GARS1: variants seen among roughly 807,000 people sequenced by gnomAD.
GARS1 encodes the protein glycine--tRNA ligase.
In GARS1, 46 loss-of-function variants were observed where a neutral mutation model predicts 86.4. The ratio of observed to expected loss-of-function variants is 0.53; its 90% CI spans 0.42 to 0.68. GARS1 has a LOEUF of 0.68. GARS1 is among the 30% of genes least tolerant of loss of function. The pLI is 0.00. For missense variants in GARS1, 797 were observed against 915.6 expected (o/e 0.87, Z 1.67); for synonymous variants, 342 against 329.8 (o/e 1.04, Z -0.40).
intron 12 of GARS1, among the ~76,000 whole-genome samples, chr7:30,625,623 A>T (rs1783114121): frequency 1.3e-5 from 2 of 152,238 alleles, no homozygotes; most frequent in Admixed American, 1.3e-4. Context: ...GAATTCTTAT[A>T]ACCTGAAACT....
Position 30,607,108 on chromosome 7 carries a change from C to T in GARS1, c.736-2477C>T, listed in dbSNP as rs139694679. Among the ~76,000 whole-genome samples, 9 of 152,306 alleles carry T rather than the reference C, an allele frequency of 5.9e-5. No homozygotes were observed. In the East Asian group the frequency reaches 1.5e-3, roughly 26 times the overall value. ...GTTCTTTTCTTTAGGGATATGCCAG[C>T]ACTGTGTAGTCTTACAGTCTGATAA... On this transcript the variant is annotated intron_variant, in intron 6 of 16. Coordinates refer to ENST00000389266, the MANE Select transcript of GARS1 (RefSeq NM_002047.4).
upstream of GARS1, chr7:30,594,870 C>A: frequency 1.4e-6 from 2 of 1,447,926 alleles, no homozygotes; most frequent in Non-Finnish European, 9.3e-7. Context: ...AGCCGGGCGG[C>A]GCGCGCCGCT....
chr7:30,619,075 CA>C (rs757607782), intron 10 of GARS1, among the ~76,000 whole-genome samples: 1 of 152,188 alleles, frequency 6.6e-6, no homozygotes, highest in Non-Finnish European at 1.5e-5. Context: ...CAGATTAAAC[CA>C]GATGTTGTTC....
In GARS1 at chr7:30,603,222, T is replaced by G; in HGVS notation, c.658+100T>G. On this transcript the variant is annotated intron_variant, in intron 5 of 16. Transcript: ENST00000389266. Reference sequence around the variant, plus strand: ...TAAATTTTTTATTGAGGCATAACATTCAAAGAGCAAAGTGCACAGATCTTA... The same window carrying G: ...TAAATTTTTTATTGAGGCATAACATGCAAAGAGCAAAGTGCACAGATCTTA... 3.0e-6 allele frequency: 3 copies of G among 1,002,504 alleles called. No individual in the cohort carries two copies. In the South Asian group the frequency reaches 4.0e-5, roughly 13 times the overall value. 62.1% of individuals were successfully genotyped at this position (1,002,504 alleles called of 1,614,324 possible).
intron 5 of GARS1, 28 bp downstream of exon 5, chr7:30,603,150 G>C (rs773044605): frequency 6.4e-7 from 1 of 1,551,932 alleles, no homozygotes. Context: ...CTTCAGGTAG[G>C]ATTGATCAAA....
intron 3 of GARS1, 66 bp downstream of exon 3, chr7:30,600,115 G>T: frequency 8.6e-7 from 1 of 1,161,972 alleles, no homozygotes; most frequent in African/African-American, 1.5e-5. Context: ...CTTAAATCAA[G>T]AACATGGCTT....
At chr7:30,603,723 T>G in intron 6 of GARS1, 151 bp downstream of exon 6, 1 of 672,928 alleles carries the variant, frequency 1.5e-6, no homozygotes, top group Non-Finnish European at 2.7e-6. Context: ...TCTCTTTTTT[T>G]GCATTTTTAT....
intron 3 of GARS1, among the ~76,000 whole-genome samples, chr7:30,600,517 G>A (rs1791351864): frequency 6.6e-6 from 1 of 152,164 alleles, no homozygotes; most frequent in Non-Finnish European, 1.5e-5. Context: ...AAGGTATATA[G>A]GCAAATACAA....
chr7:30,633,205 A>C (rs988974348), intron 16 of GARS1, among the ~76,000 whole-genome samples: 3 of 152,238 alleles, frequency 2.0e-5, no homozygotes, highest in African/African-American at 7.2e-5. Flanking sequence ...GACCAGCAGC[A>C]TCAGTATCCC....
At chr7:30,600,655 T>G (rs1204517888) in intron 3 of GARS1, among the ~76,000 whole-genome samples, 1 of 152,224 alleles carries the variant, frequency 6.6e-6, no homozygotes. Context: ...ATGTTTACCC[T>G]TTTGAGGTTA....
chr7:30,603,674 AT>A lies in GARS1; in HGVS notation c.735+104del, dbSNP rs1791426243. On this transcript the variant is annotated intron_variant, in intron 6 of 16. Transcript: ENST00000389266. Reference sequence around the variant, plus strand: ...TTCCCATTATGCTGACCCTGGCCACATTGTAATGAAGCAGAGGTTAATTCTG... The same window carrying A: ...TTCCCATTATGCTGACCCTGGCCACATGTAATGAAGCAGAGGTTAATTCTG... 23 of 834,338 alleles carry A rather than the reference AT, an allele frequency of 2.8e-5. No individual in the cohort carries two copies. The South Asian group carries it at 3.1e-4, about 11-fold the overall frequency. The allele number at this position is 834,338 out of a possible 1,614,324, so 51.7% of individuals were successfully genotyped here.
intron 15 of GARS1, 132 bp downstream of exon 15, chr7:30,631,673 A>C: frequency 2.9e-6 from 2 of 698,980 alleles, no homozygotes. Flanking sequence ...AGAGTACATG[A>C]TTTTAGCCTG....
At chr7:30,599,863 T>G in intron 2 of GARS1, 84 bp from the exon 3 acceptor site, 2 of 853,970 alleles carry the variant, frequency 2.3e-6, no homozygotes, top group Non-Finnish European at 3.8e-6. Flanking sequence ...TTAATTCTGG[T>G]GAGGAATAAA....
chr7:30,604,419 T>G (rs1395397957), intron 6 of GARS1, among the ~76,000 whole-genome samples: 2 of 152,170 alleles, frequency 1.3e-5, no homozygotes, highest in East Asian at 3.9e-4. Context: ...ATACCTATTT[T>G]CTTTACACCG....
At chr7:30,627,050 T>C (rs767236862) in intron 13 of GARS1, 1 of 468,010 alleles carries the variant, frequency 2.1e-6, no homozygotes, top group Non-Finnish European at 4.4e-6. Context: ...AAGATGTTTT[T>C]TTGTAGAACA....
intron 1 of GARS1, chr7:30,595,879 G>A: frequency 2.1e-6 from 1 of 471,176 alleles, no homozygotes; most frequent in South Asian, 1.5e-5. Flanking sequence ...AAGTGTTGCG[G>A]AGTGAAGTCA....
rs776083436 is a variant in GARS1 at position 30,612,165 on chromosome 7, A to G, written c.951A>G (p.Gly317=). The change falls in exon 8 of 17, where the codon GGA becomes GGG. Residue 317 remains glycine, a synonymous_variant. Transcript: ENST00000389266. ...NFKRLLEFNQ[G]KLPFAAAQIG... ...AACGACTTTTGGAGTTCAACCAAGG[A>G]AAGTTGCCTTTTGCTGCTGCCCAGA... 2 of 1,614,080 alleles carry G rather than the reference A, an allele frequency of 1.2e-6. No individual in the cohort carries two copies. Among genetic ancestry groups the G allele is most frequent in the South Asian group, 2.2e-5 (2 of 91,078 alleles).
In GARS1 at chr7:30,626,117, G is replaced by A. The variant is rs1051429536; in HGVS notation, c.1614-117G>A. 1.5e-5 allele frequency: 10 copies of A among 666,812 alleles called. No individual in the cohort carries two copies. In the East Asian group the frequency reaches 2.8e-4, roughly 19 times the overall value. 41.3% of individuals were successfully genotyped at this position (666,812 alleles called of 1,614,324 possible). ...AAATTTGACATCACTTATTATATCT[G>A]GAGAGTTGATCAAGTTATAAAAAGA... On this transcript the variant is annotated intron_variant, in intron 12 of 16. Coordinates refer to ENST00000389266, the MANE Select transcript of GARS1 (RefSeq NM_002047.4).
chr7:30,600,502 A>G (rs368619751), intron 3 of GARS1, among the ~76,000 whole-genome samples: 16 of 152,362 alleles, frequency 1.1e-4, no homozygotes, highest in East Asian at 1.9e-4. Flanking sequence ...TGTGAATGCC[A>G]TATGAAGGTA....
Sources: gnomAD v4.1 joint callset for allele counts (sites outside exome capture counted in the v4.1 genomes callset) on GRCh38, gnomAD v4.1.1 for gene constraint, MANE v1.5 for transcripts, NCBI Gene and HGNC (gene_info 2026-07-23, HGNC 2026-07-21) for gene names.